Variants in GCNT2 observed in about 807,000 individuals in gnomAD.
GCNT2 encodes glucosaminyl (N-acetyl) transferase 2 (I blood group), also known as N-acetyllactosaminide beta-1,6-N-acetylglucosaminyl-transferase.
Under a neutral mutation model 34.2 loss-of-function variants are expected in GCNT2, and 34 were observed. The observed-to-expected ratio is 1.00, with a 90% confidence interval of 0.76 to 1.32. The LOEUF (loss-of-function observed/expected upper bound fraction) is 1.32, where lower values mean the gene tolerates loss of function less well. Ranked by LOEUF, GCNT2 falls within the 40% of genes most tolerant of loss-of-function variation. GCNT2 has a pLI of 0.00. For synonymous variants in GCNT2, 212 were observed against 188.0 expected (o/e 1.13, Z -1.04); for missense variants, 584 against 489.4 (o/e 1.19, Z -1.82).
At chr6:10,569,275 C>CACACACACACACACACACACACACACACA (rs1491437125) in intron 3 of GCNT2, among the ~76,000 whole-genome samples, 1,491 of 101,110 alleles carry the variant, frequency 0.015, 190 homozygotes, top group East Asian at 0.026. Context: ...ACACACACAC[C>CACACACACACACACACACACACACACACA]CCCTAGGTAA....
chr6:10,603,997 A>G (rs6927648), intron 3 of GCNT2, among the ~76,000 whole-genome samples: 67,153 of 150,448 alleles, frequency 0.45, 16,636 homozygotes, highest in East Asian at 0.64. Context: ...CCCGGTTCAA[A>G]CGATTCTCTT....
intron 3 of GCNT2, among the ~76,000 whole-genome samples, chr6:10,579,025 C>G (rs1763952270): frequency 1.3e-5 from 2 of 152,178 alleles, no homozygotes; most frequent in African/African-American, 2.4e-5. Context: ...AGGAATTCAC[C>G]ACACTGCATA....
chr6:10,581,366 G>A (rs1337008185), intron 3 of GCNT2, among the ~76,000 whole-genome samples: 1 of 152,074 alleles, frequency 6.6e-6, no homozygotes, highest in African/African-American at 2.4e-5. Flanking sequence ...TGCCTCCTAG[G>A]TTCAAGTGAT....
intron 3 of GCNT2, among the ~76,000 whole-genome samples, chr6:10,579,831 A>C (rs539763436): frequency 2.1e-5 from 3 of 144,020 alleles, no homozygotes; most frequent in Non-Finnish European, 4.5e-5. Flanking sequence ...ACAAACAAAA[A>C]AAAAAAAAAA....
intron 3 of GCNT2, among the ~76,000 whole-genome samples, chr6:10,544,978 A>AAATAAATG (rs1561789836): frequency 4.0e-5 from 6 of 151,468 alleles, no homozygotes; most frequent in African/African-American, 1.5e-4. Context: ...ATAAATAAAT[A>AAATAAATG]AATGAGGTGG....
chr6:10,571,756 T>C (rs1415411111), intron 3 of GCNT2, among the ~76,000 whole-genome samples: 1 of 152,200 alleles, frequency 6.6e-6, no homozygotes, highest in African/African-American at 2.4e-5. Flanking sequence ...ATAATTTAAA[T>C]GCGTTCTTTT....
chr6:10,557,688 G>A (rs889029215), intron 3 of GCNT2, among the ~76,000 whole-genome samples: 3 of 151,932 alleles, frequency 2.0e-5, no homozygotes, highest in South Asian at 2.1e-4. Flanking sequence ...ACAGGGTCTC[G>A]CTATGTTGCC....
At chr6:10,539,317 G>C (rs1003453347) in intron 3 of GCNT2, among the ~76,000 whole-genome samples, 2 of 149,760 alleles carry the variant, frequency 1.3e-5, no homozygotes, top group African/African-American at 4.9e-5. Context: ...AGCCTCCCGA[G>C]TTGCTGGGAT....
intron 3 of GCNT2, among the ~76,000 whole-genome samples, chr6:10,544,111 C>T (rs768176952): frequency 3.3e-5 from 5 of 151,462 alleles, no homozygotes; most frequent in South Asian, 2.1e-4. Context: ...ATCAGGAGTT[C>T]GAGACCAGCC....
intron 3 of GCNT2, among the ~76,000 whole-genome samples, chr6:10,538,609 C>A (rs997822102): frequency 2.6e-5 from 4 of 151,424 alleles, no homozygotes; most frequent in Non-Finnish European, 4.4e-5. Context: ...TGACACAGCA[C>A]AACTGAGGAC....
At chr6:10,595,236 T>C (rs1010056960) in intron 3 of GCNT2, among the ~76,000 whole-genome samples, 1 of 152,082 alleles carries the variant, frequency 6.6e-6, no homozygotes, top group African/African-American at 2.4e-5. Flanking sequence ...AAATCAGTCA[T>C]ATCACAGGAA....
chr6:10,541,967 T>G (rs1382259976), intron 3 of GCNT2, among the ~76,000 whole-genome samples: 1 of 152,188 alleles, frequency 6.6e-6, no homozygotes, highest in Non-Finnish European at 1.5e-5. Context: ...AAGCAGAATC[T>G]TGGAGGGTAG....
intron 3 of GCNT2, among the ~76,000 whole-genome samples, chr6:10,605,835 A>C (rs949593603): frequency 1.8e-4 from 27 of 152,146 alleles, no homozygotes; most frequent in African/African-American, 6.3e-4. Flanking sequence ...GGCTTGAAAA[A>C]AGTTTTTTTG....
chr6:10,621,296 G>T, intron 3 of GCNT2, 55 bp from the exon 4 acceptor site: 1 of 1,100,422 alleles, frequency 9.1e-7, no homozygotes, highest in South Asian at 1.3e-5. Context: ...TGATGAAATT[G>T]ATGCCCTTCT....
chr6:10,526,570 G>A (rs927617137), intron 1 of GCNT2, among the ~76,000 whole-genome samples: 2 of 151,908 alleles, frequency 1.3e-5, no homozygotes, highest in African/African-American at 4.8e-5. Flanking sequence ...ATCTTCCTGC[G>A]TTCTTTTTTT....
At chr6:10,548,085 T>G (rs1581389485) in intron 3 of GCNT2, among the ~76,000 whole-genome samples, 1 of 152,236 alleles carries the variant, frequency 6.6e-6, no homozygotes, top group African/African-American at 2.4e-5. Flanking sequence ...CTGGTTCTAC[T>G]GAATAGAGAA....
intron 3 of GCNT2, among the ~76,000 whole-genome samples, chr6:10,564,523 C>A (rs1173561390): frequency 6.6e-6 from 1 of 152,206 alleles, no homozygotes; most frequent in Non-Finnish European, 1.5e-5. Flanking sequence ...TCCTCCATCA[C>A]CAGCCATGTA....
At chr6:10,604,219 C>T (rs1049695553) in intron 3 of GCNT2, among the ~76,000 whole-genome samples, 8 of 152,034 alleles carry the variant, frequency 5.3e-5, no homozygotes, top group Non-Finnish European at 1.0e-4. Flanking sequence ...ATGATTGTTA[C>T]TTGTAGGTAT....
chr6:10,600,298 T>A (rs1468470185), intron 3 of GCNT2, among the ~76,000 whole-genome samples: 1 of 152,238 alleles, frequency 6.6e-6, no homozygotes, highest in Non-Finnish European at 1.5e-5. Context: ...ATCAAAGTCT[T>A]ATAGGTATAC....
Sources: allele counts gnomAD v4.1 joint callset (sites outside exome capture counted in the v4.1 genomes callset), GRCh38; gene constraint gnomAD v4.1.1; transcripts MANE v1.5; gene names NCBI Gene and HGNC (gene_info 2026-07-23, HGNC 2026-07-21).